The following WDR41 variants were observed in gnomAD, a reference collection of about 807,000 sequenced individuals.
The protein encoded by WDR41 is WD repeat domain 41.
In WDR41, 63 loss-of-function variants were observed where a neutral mutation model predicts 69.3. The observed-to-expected ratio is 0.91, with a 90% CI of 0.74 to 1.12. The LOEUF (loss-of-function observed/expected upper bound fraction) is 1.12. Ranked by LOEUF, WDR41 falls within the 50% of genes most tolerant of loss-of-function variation. The pLI is 0.00. For synonymous variants in WDR41, 185 were observed against 192.1 expected (o/e 0.96, Z 0.31); for missense variants, 543 against 534.5 (o/e 1.02, Z -0.16).
At position 77,536,404 on chromosome 5, in the gene WDR41, T is replaced by TAA. The variant is rs149157036; in HGVS notation, c.43-46834_43-46833dup. Among the ~76,000 whole-genome samples, 8 of 150,190 alleles carry TAA rather than the reference T, an allele frequency of 5.3e-5. No individual in the cohort carries two copies. In the South Asian group the frequency reaches 8.5e-4, roughly 16 times the overall value. On this transcript the variant is annotated intron_variant, in intron 1 of 5. Transcript: ENST00000509971. ...TCTCAGAGATTCATAAGCAAAGTGTTAAAAAAAAAGTAATGAAAATTATCT... is the reference window on the plus strand; with the variant it reads ...TCTCAGAGATTCATAAGCAAAGTGTTAAAAAAAAAAAGTAATGAAAATTATCT...
At chr5:77,558,476 A>G (rs1743456761) in intron 1 of WDR41, among the ~76,000 whole-genome samples, 1 of 152,190 alleles carries the variant, frequency 6.6e-6, no homozygotes, top group Non-Finnish European at 1.5e-5. Flanking sequence ...GCTGACCTGC[A>G]CCGAATTCCC....
At chr5:77,500,607 A>G (rs1403371184) in intron 1 of WDR41, among the ~76,000 whole-genome samples, 2 of 152,224 alleles carry the variant, frequency 1.3e-5, no homozygotes, top group Non-Finnish European at 2.9e-5. Context: ...CAAATATCAC[A>G]AATTACCAAA....
chr5:77,519,966 TAAAAGA>T (rs1802348820), intron 1 of WDR41, among the ~76,000 whole-genome samples: 1 of 152,010 alleles, frequency 6.6e-6, no homozygotes, highest in South Asian at 2.1e-4. Context: ...TTTTTGTAAG[TAAAAGA>T]AAAACACCTA....
At chr5:77,620,164 C>T (rs551136803) in intron 1 of WDR41, among the ~76,000 whole-genome samples, 1 of 152,188 alleles carries the variant, frequency 6.6e-6, no homozygotes, top group African/African-American at 2.4e-5. Flanking sequence ...GTAGATTCTT[C>T]TCAGGTGTGG....
chr5:77,488,491 TAGAC>T (rs1400100552), intron 2 of WDR41, among the ~76,000 whole-genome samples: 2 of 146,668 alleles, frequency 1.4e-5, no homozygotes, highest in South Asian at 2.1e-4. Context: ...ACAAGGTTAA[TAGAC>T]AGCAGAAGTG....
intron 1 of WDR41, among the ~76,000 whole-genome samples, chr5:77,532,715 A>G (rs1802546435): frequency 6.6e-6 from 1 of 152,172 alleles, no homozygotes; most frequent in African/African-American, 2.4e-5. Flanking sequence ...AAAAGAACAT[A>G]TATGTAACTC....
At chr5:77,460,519 C>T (rs1425594664) in intron 4 of WDR41, among the ~76,000 whole-genome samples, 1 of 152,066 alleles carries the variant, frequency 6.6e-6, no homozygotes, top group Non-Finnish European at 1.5e-5. Flanking sequence ...AAATTATCTA[C>T]CTTCAGTATT....
upstream of WDR41, chr5:77,492,488 G>A (rs1249391976): frequency 4.8e-6 from 2 of 419,820 alleles, no homozygotes; most frequent in South Asian, 5.6e-5. Flanking sequence ...GGCGATTGCG[G>A]GGCGCGCGCT....
intron 1 of WDR41, among the ~76,000 whole-genome samples, chr5:77,525,252 A>G (rs1802428601): frequency 6.6e-6 from 1 of 152,240 alleles, no homozygotes; most frequent in Non-Finnish European, 1.5e-5. Context: ...TATTCTTTTC[A>G]TTATATTCCA....
chr5:77,529,450 C>T (rs1802493002), intron 1 of WDR41, among the ~76,000 whole-genome samples: 1 of 151,410 alleles, frequency 6.6e-6, no homozygotes, highest in African/African-American at 2.4e-5. Flanking sequence ...AATTCTCCCC[C>T]AAACTGATAC....
intron 3 of WDR41, among the ~76,000 whole-genome samples, chr5:77,463,665 T>C (rs1441264916): frequency 6.6e-6 from 1 of 152,142 alleles, no homozygotes; most frequent in Non-Finnish European, 1.5e-5. Flanking sequence ...CAAATAAGTA[T>C]ATATATCCAC....
chr5:77,515,601 A>T (rs1273095492), intron 1 of WDR41, among the ~76,000 whole-genome samples: 1 of 152,200 alleles, frequency 6.6e-6, no homozygotes, highest in Non-Finnish European at 1.5e-5. Flanking sequence ...GGTACATATT[A>T]TATATGCTCT....
intron 1 of WDR41, among the ~76,000 whole-genome samples, chr5:77,525,577 T>C (rs573160351): frequency 7.9e-5 from 12 of 152,134 alleles, no homozygotes; most frequent in Non-Finnish European, 1.5e-4. Flanking sequence ...GCTGGGTTAT[T>C]AAATTGGGGT....
At position 77,492,221 on chromosome 5, in the gene WDR41, C is replaced by A. The variant is rs1340331469; in HGVS notation, c.-1G>T. On this transcript the variant is annotated 5_prime_UTR_variant, in exon 1 of 13. Transcript: ENST00000296679. ...CTCCCCCGATCAGCCATCGCAACAT[C>A]CGGGCAGCGGCGGCGTCTTGCCCGG... The A allele has an allele frequency of 1.2e-6, 2 of 1,612,574 alleles. No individual in the cohort carries two copies. Among genetic ancestry groups the A allele is most frequent in the Non-Finnish European group, 1.7e-6 (2 of 1,179,622 alleles).
intron 1 of WDR41, among the ~76,000 whole-genome samples, chr5:77,523,623 G>A (rs981326341): frequency 6.6e-6 from 1 of 151,692 alleles, no homozygotes; most frequent in Admixed American, 6.6e-5. Flanking sequence ...AATATATTTG[G>A]GTTTAGTAAG....
At chr5:77,445,462 C>G (rs1169500684) in intron 8 of WDR41, among the ~76,000 whole-genome samples, 1 of 151,954 alleles carries the variant, frequency 6.6e-6, no homozygotes, top group South Asian at 2.1e-4. Flanking sequence ...CAGGAAGAGA[C>G]ACAACAAAAA....
intron 1 of WDR41, among the ~76,000 whole-genome samples, chr5:77,529,619 T>A (rs145818038): frequency 1.3e-3 from 196 of 151,584 alleles, no homozygotes; most frequent in African/African-American, 4.6e-3. Context: ...ATATCAAAAT[T>A]TATTATAAAC....
At chr5:77,486,171 CTCTT>C (rs907248970) in intron 2 of WDR41, among the ~76,000 whole-genome samples, 24 of 152,158 alleles carry the variant, frequency 1.6e-4, no homozygotes, top group African/African-American at 4.6e-4. Context: ...ACGAAGATGA[CTCTT>C]TCGGTTTTTC....
At chr5:77,486,484 C>A (rs1308269063) in intron 2 of WDR41, among the ~76,000 whole-genome samples, 2 of 152,314 alleles carry the variant, frequency 1.3e-5, no homozygotes, top group Admixed American at 1.3e-4. Context: ...CATGAGAGGT[C>A]AAGTTTATTT....
Sources: gnomAD v4.1 joint callset for allele counts (sites outside exome capture counted in the v4.1 genomes callset) on GRCh38, gnomAD v4.1.1 for gene constraint, MANE v1.5 for transcripts, NCBI Gene and HGNC (gene_info 2026-07-23, HGNC 2026-07-21) for gene names.